FMN1: variants seen among roughly 807,000 people sequenced by gnomAD.
FMN1 encodes formin-1.
Under a neutral mutation model 132.4 loss-of-function variants are expected in FMN1, and 110 were observed. That is an observed-to-expected ratio of 0.83 (90% confidence interval 0.71 to 0.97). The LOEUF (loss-of-function observed/expected upper bound fraction) is 0.97, where lower values mean the gene tolerates loss of function less well. Among genes scored for constraint, FMN1 ranks in the 50% least tolerant of loss-of-function variants. The pLI is 0.00. For missense variants in FMN1, 1,792 were observed against 1,705.3 expected, an observed-to-expected ratio of 1.05 and a Z score of -0.90; for synonymous variants, 722 against 651.7, an observed-to-expected ratio of 1.11 and a Z score of -1.64.
intron 17 of FMN1, among the ~76,000 whole-genome samples, chr15:32,845,632 T>G (rs1046072481): frequency 6.6e-6 from 1 of 152,090 alleles, no homozygotes; most frequent in Non-Finnish European, 1.5e-5. Flanking sequence ...AGTTTTCTTA[T>G]CTGGAAAGTT....
rs143710774 is a variant in FMN1, at chr15:33,021,299, G to T, written c.2162-13224C>A. ...ACCGAAAGCTGCTGAATTTTAGCATGGTTTGTTACACAGCATTATTACAGC... is the reference window on the plus strand; with the variant it reads ...ACCGAAAGCTGCTGAATTTTAGCATTGTTTGTTACACAGCATTATTACAGC... On this transcript the variant is annotated intron_variant, in intron 6 of 20. Coordinates refer to ENST00000616417, the MANE Select transcript of FMN1 (RefSeq NM_001277313.2). Among the ~76,000 whole-genome samples, 459 of 152,296 alleles carry T rather than the reference G, an allele frequency of 3.0e-3. 6 individuals are homozygous for T. The highest frequency in any genetic ancestry group is 0.01 in the African/African-American group (428 of 41,568).
chr15:32,985,714 T>C (rs1032144252), intron 7 of FMN1, among the ~76,000 whole-genome samples: 3 of 146,870 alleles, frequency 2.0e-5, no homozygotes, highest in East Asian at 2.1e-4. Flanking sequence ...TAAGTCCAAA[T>C]TGACAGGTCT....
intron 17 of FMN1, among the ~76,000 whole-genome samples, chr15:32,850,348 A>G (rs2058981203): frequency 6.6e-6 from 1 of 152,234 alleles, no homozygotes; most frequent in Non-Finnish European, 1.5e-5. Flanking sequence ...TAGAGATTTA[A>G]GTATGGCCTT....
intron 17 of FMN1, among the ~76,000 whole-genome samples, chr15:32,848,689 T>C (rs1052009545): frequency 9.2e-5 from 14 of 152,172 alleles, no homozygotes; most frequent in Non-Finnish European, 1.5e-4. Flanking sequence ...TAGGGAAAAA[T>C]GTGAAGTGCG....
chr15:33,072,979 A>G (rs574741938), intron 5 of FMN1, among the ~76,000 whole-genome samples: 1 of 152,202 alleles, frequency 6.6e-6, no homozygotes, highest in African/African-American at 2.4e-5. Context: ...ACCTAGTGAG[A>G]TAAGAACAAT....
Position 33,108,826 on chromosome 15 carries a change from G to A in FMN1, c.1868-19852C>T, listed in dbSNP as rs186534043. On this transcript the variant is annotated intron_variant, in intron 4 of 20. Coordinates refer to ENST00000616417, the MANE Select transcript of FMN1 (RefSeq NM_001277313.2). ...CAACTCCCCTGTCTTAGTAAATCCA[G>A]ATAAAACCCAAAAAGCAATTCATCC... 1.0e-3 allele frequency among the ~76,000 whole-genome samples: 152 copies of A among 152,200 alleles called. 1 individual carries two copies. The highest frequency in any genetic ancestry group is 2.4e-3 in the Admixed American group (37 of 15,282).
intron 17 of FMN1, among the ~76,000 whole-genome samples, chr15:32,847,288 A>G (rs28589364): frequency 3.4e-4 from 38 of 112,240 alleles, no homozygotes; most frequent in Admixed American, 2.1e-3. Flanking sequence ...GTGTGTGTGT[A>G]TGTGTGTGTG....
intron 18 of FMN1, among the ~76,000 whole-genome samples, chr15:32,801,473 T>C (rs374775230): frequency 5.9e-5 from 9 of 152,216 alleles, no homozygotes; most frequent in African/African-American, 2.2e-4. Context: ...GCTTCAAGAA[T>C]GTGCCTTATT....
rs2031543973 is a variant in FMN1 at position 32,969,132 on chromosome 15, T to C, written c.2569A>G (p.Met857Val). Residue 857 changes from methionine to valine, a missense_variant, in exon 8 of 21, where the codon ATG (methionine) becomes GTG (valine). Transcript: ENST00000616417. ...HKDIHAALQPMEGMASNQQKA... is the reference protein window; with the variant it reads ...HKDIHAALQPVEGMASNQQKA... ...TGCTGATTTGATGCCATGCCCTCCA[T>C]TGGCTGGAGTGCTGCATGGATGTCT... is the stretch of plus-strand genomic sequence containing the variant. 6.2e-7 allele frequency: 1 copy of C among 1,613,650 alleles called. No homozygotes were observed. Among genetic ancestry groups the C allele is most frequent in the African/African-American group, 1.3e-5 (1 of 74,986 alleles).
At chr15:32,796,307 T>C (rs549359104) in intron 19 of FMN1, among the ~76,000 whole-genome samples, 1 of 152,362 alleles carries the variant, frequency 6.6e-6, no homozygotes, top group Admixed American at 6.5e-5. Context: ...ATGCTAGTAC[T>C]GATTCTTAAT....
intron 2 of FMN1, among the ~76,000 whole-genome samples, chr15:33,184,271 G>C (rs368706681): frequency 2.6e-5 from 4 of 152,020 alleles, no homozygotes; most frequent in African/African-American, 7.2e-5. Context: ...TCTTTGTAAC[G>C]TAATGCCTTA....
chr15:32,988,065 T>TC (rs1555374092), intron 7 of FMN1, among the ~76,000 whole-genome samples: 2 of 150,040 alleles, frequency 1.3e-5, no homozygotes, highest in Middle Eastern at 3.4e-3. Context: ...TTTTTTTTTT[T>TC]TTTTTCTTTT....
intron 19 of FMN1, among the ~76,000 whole-genome samples, chr15:32,797,056 G>T (rs1281765947): frequency 6.6e-6 from 1 of 152,156 alleles, no homozygotes. Flanking sequence ...CACCCAGGAA[G>T]CAATGCCACA....
At chr15:32,844,096 C>A (rs2058805001) in intron 17 of FMN1, among the ~76,000 whole-genome samples, 1 of 152,190 alleles carries the variant, frequency 6.6e-6, no homozygotes, top group South Asian at 2.1e-4. Flanking sequence ...CTAGCCTCAG[C>A]TCACGACTTT....
chr15:33,117,421 T>C (rs897594546), intron 4 of FMN1, among the ~76,000 whole-genome samples: 2 of 152,192 alleles, frequency 1.3e-5, no homozygotes, highest in South Asian at 2.1e-4. Flanking sequence ...GGCTGAGAGA[T>C]TGACAAGGTA....
chr15:32,928,912 C>T (rs114606764), intron 9 of FMN1, among the ~76,000 whole-genome samples: 82 of 152,248 alleles, frequency 5.4e-4, no homozygotes, highest in African/African-American at 1.9e-3. Context: ...AGAGAAATCA[C>T]GAGAGAGTAA....
intron 19 of FMN1, among the ~76,000 whole-genome samples, chr15:32,796,079 T>C (rs569996266): frequency 4.0e-4 from 61 of 152,334 alleles, no homozygotes; most frequent in African/African-American, 1.3e-3. Context: ...TTCTGGATTT[T>C]ATGAGGGGAA....
intron 4 of FMN1, among the ~76,000 whole-genome samples, chr15:33,122,877 C>G (rs1566935672): frequency 6.6e-6 from 1 of 152,120 alleles, no homozygotes; most frequent in Non-Finnish European, 1.5e-5. Flanking sequence ...GCTATCCAAT[C>G]TTGATAAAGC....
At chr15:33,134,697 T>A (rs1963689131) in intron 4 of FMN1, among the ~76,000 whole-genome samples, 1 of 152,186 alleles carries the variant, frequency 6.6e-6, no homozygotes, top group Non-Finnish European at 1.5e-5. Flanking sequence ...ATCTCACTTT[T>A]TCTGAAAAAT....
Sources: gnomAD v4.1 joint callset for allele counts (sites outside exome capture counted in the v4.1 genomes callset) on GRCh38, gnomAD v4.1.1 for gene constraint, MANE v1.5 for transcripts, NCBI Gene and HGNC (gene_info 2026-07-23, HGNC 2026-07-21) for gene names.